The following ANKS1B variants were observed in gnomAD, a reference collection of about 807,000 sequenced individuals.
ANKS1B encodes the protein ankyrin repeat and sterile alpha motif domain containing 1B, also known as ankyrin repeat and sterile alpha motif domain-containing protein 1B.
Under a neutral mutation model 148.3 loss-of-function variants are expected in ANKS1B, and 36 were observed. The ratio of observed to expected loss-of-function variants is 0.24; its 90% CI spans 0.19 to 0.32. ANKS1B has a LOEUF of 0.32. Ranked by LOEUF, ANKS1B falls within the 10% of genes least tolerant of loss-of-function variation. ANKS1B has a pLI of 1.00. For synonymous variants in ANKS1B, 542 were observed against 560.8 expected (o/e 0.97, Z 0.47); for missense variants, 1,157 against 1,542.6 (o/e 0.75, Z 4.19).
At chr12:98,950,582 T>G (rs2099852610) in intron 17 of ANKS1B, among the ~76,000 whole-genome samples, 1 of 152,150 alleles carries the variant, frequency 6.6e-6, no homozygotes, top group South Asian at 2.1e-4. Context: ...TTCAAAAGTT[T>G]ATTTCTCATC....
intron 8 of ANKS1B, among the ~76,000 whole-genome samples, chr12:99,660,985 T>TACGAAGGCTGGAATGTA (rs1488871769): frequency 6.4e-4 from 98 of 152,190 alleles, no homozygotes; most frequent in African/African-American, 1.1e-3. Context: ...AGTGCCCTTA[T>TACGAAGGCTGGAATGTA]ACGAAGGCTG....
At chr12:99,656,797 A>G (rs2153447690) in intron 8 of ANKS1B, among the ~76,000 whole-genome samples, 1 of 152,284 alleles carries the variant, frequency 6.6e-6, no homozygotes, top group Middle Eastern at 3.4e-3. Flanking sequence ...AATACACTAA[A>G]TTGTCTAAAG....
At chr12:99,515,771 T>C (rs901368206) in intron 9 of ANKS1B, among the ~76,000 whole-genome samples, 1 of 151,800 alleles carries the variant, frequency 6.6e-6, no homozygotes, top group Non-Finnish European at 1.5e-5. Flanking sequence ...TCTCCTCACA[T>C]TCCCACCAAC....
intron 19 of ANKS1B, among the ~76,000 whole-genome samples, chr12:98,812,966 C>T (rs115576323): frequency 0.033 from 5,017 of 152,262 alleles, 128 homozygotes; most frequent in African/African-American, 0.063. Flanking sequence ...GTTGTAACTG[C>T]TGCATTCATA....
intron 14 of ANKS1B, among the ~76,000 whole-genome samples, chr12:99,220,342 C>T (rs1774330372): frequency 6.6e-6 from 1 of 150,376 alleles, no homozygotes; most frequent in Admixed American, 6.6e-5. Context: ...GTGATGTTGA[C>T]ACATGAGTAA....
chr12:99,715,557 A>T (rs1345497646), intron 8 of ANKS1B, among the ~76,000 whole-genome samples: 10 of 152,180 alleles, frequency 6.6e-5, no homozygotes, highest in Non-Finnish European at 1.5e-5. Context: ...ACACAAAGCC[A>T]GTTTGGTGGT....
At position 99,165,584 on chromosome 12, in the gene ANKS1B, A is replaced by G. The variant is rs920159452; in HGVS notation, c.2420-11189T>C. Among the ~76,000 whole-genome samples the G allele has an allele frequency of 5.3e-5, 8 of 152,002 alleles. No individual in the cohort carries two copies. In the East Asian group the frequency reaches 1.3e-3, roughly 26 times the overall value. Reference sequence around the variant, plus strand: ...AAACCTCACTCATGAAGAAAAGTTCATAACTGACTAGCTCTCTACCTATTG... The same window carrying G: ...AAACCTCACTCATGAAGAAAAGTTCGTAACTGACTAGCTCTCTACCTATTG... On this transcript the variant is annotated intron_variant, in intron 14 of 26. Coordinates refer to ENST00000683438, the MANE Select transcript of ANKS1B (RefSeq NM_001352186.2).
intron 8 of ANKS1B, among the ~76,000 whole-genome samples, chr12:99,735,753 T>C (rs1426754838): frequency 3.5e-5 from 5 of 143,864 alleles, no homozygotes; most frequent in African/African-American, 1.0e-4. Context: ...TCTCCCTAAC[T>C]CATTCTATGA....
chr12:99,450,011 T>C (rs35561798), intron 10 of ANKS1B, among the ~76,000 whole-genome samples: 23,905 of 152,040 alleles, frequency 0.16, 2,037 homozygotes, highest in South Asian at 0.22. Flanking sequence ...AGTCCAAAGA[T>C]CTGCAGTTGG....
intron 2 of ANKS1B, among the ~76,000 whole-genome samples, chr12:99,819,466 T>C (rs1255496834): frequency 6.6e-6 from 1 of 151,812 alleles, no homozygotes; most frequent in African/African-American, 2.4e-5. Context: ...TAGCTTATTA[T>C]ATGGATTCTA....
intron 9 of ANKS1B, among the ~76,000 whole-genome samples, chr12:99,533,496 G>C (rs957228622): frequency 6.6e-6 from 1 of 152,056 alleles, no homozygotes; most frequent in Non-Finnish European, 1.5e-5. Flanking sequence ...AGATAGTTTG[G>C]CTTCCTCTTT....
At chr12:99,029,071 A>C (rs1204927327) in intron 17 of ANKS1B, among the ~76,000 whole-genome samples, 1 of 152,234 alleles carries the variant, frequency 6.6e-6, no homozygotes, top group East Asian at 1.9e-4. Flanking sequence ...TGTAGTTACT[A>C]TCTGTGCTAA....
intron 8 of ANKS1B, among the ~76,000 whole-genome samples, chr12:99,719,176 A>G (rs1358228176): frequency 2.0e-5 from 3 of 152,246 alleles, no homozygotes; most frequent in African/African-American, 7.2e-5. Context: ...ATACTTTTAG[A>G]GGCCCTTAAA....
At chr12:99,807,899 T>G (rs1288871871) in intron 3 of ANKS1B, among the ~76,000 whole-genome samples, 1 of 152,140 alleles carries the variant, frequency 6.6e-6, no homozygotes, top group Non-Finnish European at 1.5e-5. Context: ...CTATATATAT[T>G]GTCTCATTTA....
In ANKS1B at chr12:98,745,869, A is replaced by AC; in HGVS notation, c.3748-21_3748-20insG. The AC allele has an allele frequency of 6.2e-7, 1 of 1,608,666 alleles. No individual in the cohort carries two copies. Among genetic ancestry groups the AC allele is most frequent in the Non-Finnish European group, 8.5e-7 (1 of 1,177,602 alleles). On this transcript the variant is annotated intron_variant, in intron 26 of 26. Transcript: ENST00000683438. ...GATCTGCTTTAAAACAGAAAGGCTGATGCCTGTTATACGGTCGCCGCGCGG... is the reference window on the plus strand; with the variant it reads ...GATCTGCTTTAAAACAGAAAGGCTGACTGCCTGTTATACGGTCGCCGCGCGG...
At chr12:98,872,257 G>T (rs1021095950) in intron 17 of ANKS1B, among the ~76,000 whole-genome samples, 6 of 152,210 alleles carry the variant, frequency 3.9e-5, no homozygotes, top group African/African-American at 1.4e-4. Context: ...GCTAATTAAT[G>T]GCTGGGCATG....
intron 12 of ANKS1B, among the ~76,000 whole-genome samples, chr12:99,313,150 T>A (rs993049686): frequency 6.6e-6 from 1 of 152,028 alleles, no homozygotes; most frequent in Admixed American, 6.6e-5. Flanking sequence ...AACAACTATA[T>A]GCAAATAAAC....
chr12:99,838,399 A>C (rs978033275), intron 1 of ANKS1B, among the ~76,000 whole-genome samples: 4 of 152,018 alleles, frequency 2.6e-5, no homozygotes, highest in Non-Finnish European at 5.9e-5. Context: ...GCATTCCTAG[A>C]CCTTTTATGT....
At position 99,084,952 on chromosome 12, in the gene ANKS1B, A is replaced by C. The variant is rs546988443; in HGVS notation, c.2598T>G (p.Ile866Met). 48 of 1,610,726 alleles carry C rather than the reference A, an allele frequency of 3.0e-5. No homozygotes were observed. In the South Asian group the frequency reaches 4.9e-4, roughly 16 times the overall value. ...GILNSGHRQR[I>M]LQAIQLLPKM... is the part of the protein sequence containing the mutation. ...TTGGAAGGAGCTGGATTGCCTGTAG[A>C]ATTCTTTGTCTGTGCCCAGAATTAA... The change falls in exon 16 of 27, where the codon ATT (isoleucine) becomes ATG (methionine). Residue 866 changes from isoleucine (I) to methionine (M), a missense_variant. By Grantham distance (10) the Ile-to-Met change is conservative. This residue lies in a region of ANKS1B where 258 missense variants were observed against 497.0 expected (regional missense o/e 0.52). Coordinates refer to ENST00000683438, the MANE Select transcript of ANKS1B (RefSeq NM_001352186.2).
Sources: allele counts gnomAD v4.1 joint callset (sites outside exome capture counted in the v4.1 genomes callset), GRCh38; gene constraint gnomAD v4.1.1; regional missense constraint gnomAD v4.1.1; transcripts MANE v1.5; gene names NCBI Gene and HGNC (gene_info 2026-07-23, HGNC 2026-07-21).